Variants in PDGFC observed in about 807,000 individuals in gnomAD.
PDGFC encodes the protein platelet derived growth factor C.
A neutral mutation model predicts 35.5 loss-of-function variants in PDGFC; 12 were observed. The ratio of observed to expected loss-of-function variants is 0.34; its 90% CI spans 0.22 to 0.55. The LOEUF (loss-of-function observed/expected upper bound fraction) is 0.55. Ranked by LOEUF, PDGFC falls within the 20% of genes least tolerant of loss-of-function variation. The probability of loss-of-function intolerance (pLI) is 0.91; values close to 1 mark genes in which losing one functional copy is unlikely to be tolerated. For missense variants in PDGFC, 322 were observed against 412.4 expected (o/e 0.78, Z 1.90); for synonymous variants, 159 against 148.8 (o/e 1.07, Z -0.50).
intron 1 of PDGFC, among the ~76,000 whole-genome samples, chr4:156,926,069 AAAAAGAC>A (rs1440734972): frequency 1.3e-5 from 2 of 150,824 alleles, no homozygotes; most frequent in African/African-American, 4.9e-5. Flanking sequence ...AAAAAAAAAA[AAAAAGAC>A]AGAAAGACAG....
In PDGFC at chr4:156,957,158, C is replaced by T. The variant is rs550510602; in HGVS notation, c.118+13628G>A. 1.2e-4 allele frequency among the ~76,000 whole-genome samples: 19 copies of T among 152,130 alleles called. No homozygotes were observed. The South Asian group carries it at 1.5e-3, about 12-fold the overall frequency. Reference sequence around the variant, plus strand: ...TATTTCACCTGTGTTCCAATATCAACGGTAGGAGAACTTTCTAAAAATAGA... The same window carrying T: ...TATTTCACCTGTGTTCCAATATCAATGGTAGGAGAACTTTCTAAAAATAGA... On this transcript the variant is annotated intron_variant, in intron 1 of 5. Transcript: ENST00000502773.
chr4:156,904,137 A>C lies in PDGFC; in HGVS notation c.119-53721T>G, dbSNP rs1579089741. 2.6e-5 allele frequency among the ~76,000 whole-genome samples: 4 copies of C among 152,234 alleles called. No homozygotes were observed. In the South Asian group the frequency reaches 8.3e-4, roughly 32 times the overall value. On this transcript the variant is annotated intron_variant, in intron 1 of 5. Transcript: ENST00000502773. ...GAAAAATTGGATTAAGTTGGGATTG[A>C]AATGGGATGAGGGAAATAAGGCAAT...
intron 1 of PDGFC, among the ~76,000 whole-genome samples, chr4:156,893,265 T>A (rs1730555945): frequency 6.6e-6 from 1 of 152,134 alleles, no homozygotes. Flanking sequence ...CAATACATAT[T>A]TTAACTTCGT....
chr4:156,893,551 G>C (rs1313019202), intron 1 of PDGFC, among the ~76,000 whole-genome samples: 2 of 151,218 alleles, frequency 1.3e-5, no homozygotes, highest in African/African-American at 4.9e-5. Flanking sequence ...TGACCAGGAC[G>C]GTCATGAACT....
chr4:156,860,635 A>G (rs1729688399), intron 1 of PDGFC, among the ~76,000 whole-genome samples: 2 of 152,286 alleles, frequency 1.3e-5, no homozygotes, highest in South Asian at 2.1e-4. Flanking sequence ...TAATAATACT[A>G]ATTATCTTGA....
At chr4:156,769,090 G>GT (rs1247812202) in intron 4 of PDGFC, among the ~76,000 whole-genome samples, 1 of 151,186 alleles carries the variant, frequency 6.6e-6, no homozygotes, top group Non-Finnish European at 1.5e-5. Context: ...TGCCTTCAGG[G>GT]TTTTTTTCTC....
At chr4:156,808,772 C>G (rs1221685050) in intron 3 of PDGFC, among the ~76,000 whole-genome samples, 2 of 152,004 alleles carry the variant, frequency 1.3e-5, no homozygotes, top group Non-Finnish European at 2.9e-5. Flanking sequence ...TCTCACCCTT[C>G]TGCAGACAGT....
At chr4:156,894,655 A>G (rs915476848) in intron 1 of PDGFC, among the ~76,000 whole-genome samples, 2 of 152,246 alleles carry the variant, frequency 1.3e-5, no homozygotes, top group Non-Finnish European at 2.9e-5. Context: ...TATGTTAAAT[A>G]GAAGATAAAA....
intron 1 of PDGFC, among the ~76,000 whole-genome samples, chr4:156,917,410 C>T (rs1487775510): frequency 1.3e-5 from 2 of 152,278 alleles, no homozygotes; most frequent in East Asian, 3.9e-4. Context: ...TATCCAGCTA[C>T]CACCATCTCA....
intron 1 of PDGFC, among the ~76,000 whole-genome samples, chr4:156,959,202 G>C (rs1240945853): frequency 6.6e-6 from 1 of 152,000 alleles, no homozygotes; most frequent in African/African-American, 2.4e-5. Flanking sequence ...TTTTAGGTAT[G>C]CTTTCCAAGT....
intron 1 of PDGFC, among the ~76,000 whole-genome samples, chr4:156,864,813 T>C (rs1217439281): frequency 6.6e-6 from 1 of 152,144 alleles, no homozygotes; most frequent in East Asian, 1.9e-4. Context: ...CTCTGTTCCT[T>C]TATAATTGCT....
At chr4:156,895,047 T>C (rs1730598631) in intron 1 of PDGFC, among the ~76,000 whole-genome samples, 1 of 152,208 alleles carries the variant, frequency 6.6e-6, no homozygotes, top group Non-Finnish European at 1.5e-5. Context: ...TGAGTTCAGA[T>C]AACATATCAC....
intron 2 of PDGFC, among the ~76,000 whole-genome samples, chr4:156,831,431 G>A (rs1230108852): frequency 1.4e-5 from 2 of 146,160 alleles, no homozygotes; most frequent in East Asian, 2.0e-4. Flanking sequence ...AACATAATGA[G>A]ACCCTGTCTT....
chr4:156,968,081 C>A (rs1288331851), intron 1 of PDGFC, among the ~76,000 whole-genome samples: 1 of 152,130 alleles, frequency 6.6e-6, no homozygotes, highest in Non-Finnish European at 1.5e-5. Context: ...TCCACATGAT[C>A]CAGTCTAAAT....
At chr4:156,880,212 G>C (rs1437704874) in intron 1 of PDGFC, among the ~76,000 whole-genome samples, 1 of 152,052 alleles carries the variant, frequency 6.6e-6, no homozygotes, top group Non-Finnish European at 1.5e-5. Flanking sequence ...AAAGTCAAAG[G>C]CTAGCTTCAA....
chr4:156,904,191 C>T (rs1040109503), intron 1 of PDGFC, among the ~76,000 whole-genome samples: 1 of 151,966 alleles, frequency 6.6e-6, no homozygotes, highest in Non-Finnish European at 1.5e-5. Context: ...GGACAGAAAA[C>T]GGAGTTCCTT....
chr4:156,804,207 T>C (rs1441663319), intron 3 of PDGFC, among the ~76,000 whole-genome samples: 1 of 145,012 alleles, frequency 6.9e-6, no homozygotes, highest in Non-Finnish European at 1.5e-5. Flanking sequence ...ATTGTAAAAA[T>C]AAATAAATAA....
At chr4:156,851,446 TCTC>T (rs1426884873) in intron 1 of PDGFC, among the ~76,000 whole-genome samples, 2 of 152,158 alleles carry the variant, frequency 1.3e-5, no homozygotes, top group Non-Finnish European at 2.9e-5. Flanking sequence ...TAATAATATC[TCTC>T]CTCCTTTTTA....
chr4:156,809,093 C>T (rs1731853854), intron 3 of PDGFC, among the ~76,000 whole-genome samples: 1 of 151,946 alleles, frequency 6.6e-6, no homozygotes, highest in Non-Finnish European at 1.5e-5. Context: ...CTTTACTCCC[C>T]ACATGTCTCC....
Sources: allele counts gnomAD v4.1 joint callset (sites outside exome capture counted in the v4.1 genomes callset), GRCh38; gene constraint gnomAD v4.1.1; transcripts MANE v1.5; gene names NCBI Gene and HGNC (gene_info 2026-07-23, HGNC 2026-07-21).